ADAMTS3: variants seen among roughly 807,000 people sequenced by gnomAD.
ADAMTS3 encodes the protein A disintegrin and metalloproteinase with thrombospondin motifs 3.
Under a neutral mutation model 129.0 loss-of-function variants are expected in ADAMTS3, and 73 were observed. That is an observed-to-expected ratio of 0.57 (90% CI 0.47 to 0.69). The LOEUF is 0.69. Among genes scored for constraint, ADAMTS3 ranks in the 30% least tolerant of loss-of-function variants. The probability of loss-of-function intolerance (pLI) is 0.00; values close to 1 mark genes in which losing one functional copy is unlikely to be tolerated. For synonymous variants in ADAMTS3, 477 were observed against 510.8 expected (o/e 0.93, Z 0.89); for missense variants, 1,457 against 1,514.5 (o/e 0.96, Z 0.63).
chr4:72,418,623 T>A (rs1438723975), intron 3 of ADAMTS3, among the ~76,000 whole-genome samples: 1 of 152,208 alleles, frequency 6.6e-6, no homozygotes, highest in East Asian at 1.9e-4. Context: ...CCATTTCCAC[T>A]TACTGCCACA....
At chr4:72,433,217 G>A (rs1331365584) in intron 3 of ADAMTS3, among the ~76,000 whole-genome samples, 2 of 151,910 alleles carry the variant, frequency 1.3e-5, no homozygotes, top group African/African-American at 4.8e-5. Flanking sequence ...GCTAAATAAA[G>A]CATCTCTCCA....
chr4:72,343,677 A>G lies in ADAMTS3; in HGVS notation c.662-3984T>C, dbSNP rs1720197990. Among the ~76,000 whole-genome samples the G allele has an allele frequency of 2.0e-5, 3 of 152,278 alleles. No homozygotes were observed. The South Asian group carries it at 6.2e-4, about 32-fold the overall frequency. ...TGGGCAGCAGAGAGTGATTTATGTG[A>G]CAACAGAATTAGCAGAAAAAAAGGA... On this transcript the variant is annotated intron_variant, in intron 4 of 21. Coordinates refer to ENST00000286657, the MANE Select transcript of ADAMTS3 (RefSeq NM_014243.3).
At chr4:72,315,307 CT>C (rs1192631290) in intron 11 of ADAMTS3, among the ~76,000 whole-genome samples, 2 of 152,140 alleles carry the variant, frequency 1.3e-5, no homozygotes, top group Non-Finnish European at 1.5e-5. Flanking sequence ...GAAAAAGGGT[CT>C]TTGCAAATGT....
intron 3 of ADAMTS3, among the ~76,000 whole-genome samples, chr4:72,452,603 C>A (rs1361832194): frequency 2.0e-5 from 3 of 151,782 alleles, no homozygotes; most frequent in African/African-American, 7.2e-5. Context: ...CATCTTTCAA[C>A]TTAAGTTTCT....
intron 3 of ADAMTS3, among the ~76,000 whole-genome samples, chr4:72,475,698 T>G (rs550605356): frequency 5.5e-4 from 84 of 151,518 alleles, no homozygotes; most frequent in Non-Finnish European, 8.3e-4. Context: ...AATAGGAAAC[T>G]ATATACAGTT....
At chr4:72,298,708 T>G (rs1253317339) in intron 17 of ADAMTS3, among the ~76,000 whole-genome samples, 3 of 151,904 alleles carry the variant, frequency 2.0e-5, no homozygotes, top group East Asian at 3.9e-4. Flanking sequence ...AAATAATAAC[T>G]TTATAAGGTT....
chr4:72,453,886 T>G (rs2109973186), intron 3 of ADAMTS3, among the ~76,000 whole-genome samples: 1 of 148,450 alleles, frequency 6.7e-6, no homozygotes, highest in Admixed American at 6.7e-5. Context: ...TATTATACTA[T>G]ATTATATTAT....
At chr4:72,344,628 T>C (rs537992987) in intron 4 of ADAMTS3, among the ~76,000 whole-genome samples, 4 of 152,180 alleles carry the variant, frequency 2.6e-5, no homozygotes, top group Non-Finnish European at 5.9e-5. Flanking sequence ...GTATTGCTTA[T>C]ATCTTGATGG....
At chr4:72,415,865 C>T (rs867210726) in intron 3 of ADAMTS3, among the ~76,000 whole-genome samples, 96 of 151,554 alleles carry the variant, frequency 6.3e-4, no homozygotes, top group Admixed American at 1.2e-3. Context: ...TACAATAATA[C>T]GAAATATTAA....
At chr4:72,530,233 A>T (rs182846941) in intron 3 of ADAMTS3, among the ~76,000 whole-genome samples, 2 of 76,952 alleles carry the variant, frequency 2.6e-5, no homozygotes, top group African/African-American at 1.1e-4. Context: ...TATATTATAT[A>T]TATTAAATAT....
At chr4:72,322,392 C>T (rs1322416653) in intron 6 of ADAMTS3, among the ~76,000 whole-genome samples, 1 of 152,104 alleles carries the variant, frequency 6.6e-6, no homozygotes, top group Non-Finnish European at 1.5e-5. Context: ...CTGTATGTTT[C>T]CTCCTTAAAG....
At chr4:72,529,756 T>C (rs1162911613) in intron 3 of ADAMTS3, among the ~76,000 whole-genome samples, 1 of 109,146 alleles carries the variant, frequency 9.2e-6, no homozygotes, top group East Asian at 2.3e-4. Flanking sequence ...ATATTGTATA[T>C]AATATTAATA....
intron 13 of ADAMTS3, among the ~76,000 whole-genome samples, 168 bp from the exon 14 acceptor site, chr4:72,311,349 A>T (rs1263638202): frequency 6.9e-6 from 1 of 144,330 alleles, no homozygotes; most frequent in Non-Finnish European, 1.5e-5. Flanking sequence ...TGTACATTTG[A>T]CATTTTTTTT....
At chr4:72,452,033 G>A (rs1718421602) in intron 3 of ADAMTS3, among the ~76,000 whole-genome samples, 1 of 151,736 alleles carries the variant, frequency 6.6e-6, no homozygotes. Flanking sequence ...AGGCTACAAT[G>A]AGCTGTGATC....
At chr4:72,449,956 A>G (rs1718350656) in intron 3 of ADAMTS3, among the ~76,000 whole-genome samples, 1 of 151,714 alleles carries the variant, frequency 6.6e-6, no homozygotes, top group Non-Finnish European at 1.5e-5. Flanking sequence ...AAACTTATTT[A>G]TCTGCATAAC....
At chr4:72,321,898 A>G (rs1320823283) in intron 6 of ADAMTS3, among the ~76,000 whole-genome samples, 1 of 152,134 alleles carries the variant, frequency 6.6e-6, no homozygotes, top group East Asian at 1.9e-4. Flanking sequence ...TCAGGAGTTA[A>G]AAGTTCAGGG....
Position 72,319,343 on chromosome 4 carries a change from T to G in ADAMTS3, c.1341A>C (p.Lys447Asn), listed in dbSNP as rs943454605. Residue 447 changes from lysine (K) to asparagine (N), a missense_variant, in exon 9 of 22, where the codon AAA becomes AAC. By Grantham distance (94) the Lys-to-Asn change is moderately conservative. Coordinates refer to ENST00000286657, the MANE Select transcript of ADAMTS3 (RefSeq NM_014243.3). ...AGCAGGGGACATACTGGATATATCT[T>G]TTCAGTTCTTGACCACTGCATCGGG... ...HWSRCSGQELKRYIHSYDCLL... is the reference protein window; with the variant it reads ...HWSRCSGQELNRYIHSYDCLL... 3 of 1,613,906 alleles carry G rather than the reference T, an allele frequency of 1.9e-6. No individual in the cohort carries two copies. Among genetic ancestry groups the G allele is most frequent in the Non-Finnish European group, 2.5e-6 (3 of 1,179,902 alleles).
At chr4:72,563,210 C>A (rs1286951501) in intron 2 of ADAMTS3, among the ~76,000 whole-genome samples, 1 of 152,162 alleles carries the variant, frequency 6.6e-6, no homozygotes, top group African/African-American at 2.4e-5. Context: ...GCATGCTGCA[C>A]TTAATAAAAT....
chr4:72,391,095 G>A (rs903629288), intron 4 of ADAMTS3, among the ~76,000 whole-genome samples: 13 of 152,004 alleles, frequency 8.6e-5, no homozygotes, highest in Non-Finnish European at 1.3e-4. Flanking sequence ...GTTTAGTTAC[G>A]GGTAACATCA....
Sources: allele counts gnomAD v4.1 joint callset (sites outside exome capture counted in the v4.1 genomes callset), GRCh38; gene constraint gnomAD v4.1.1; transcripts MANE v1.5; gene names NCBI Gene and HGNC (gene_info 2026-07-23, HGNC 2026-07-21).